NECTIN3: variants seen among roughly 807,000 people sequenced by gnomAD.
NECTIN3 encodes nectin-3.
NECTIN3 carries 8 observed loss-of-function variants against 49.4 expected under a neutral mutation model. That is an observed-to-expected ratio of 0.16 (90% CI 0.10 to 0.29). NECTIN3 has a LOEUF of 0.29. Among genes scored for constraint, NECTIN3 ranks in the 10% least tolerant of loss-of-function variants. NECTIN3 has a pLI of 1.00. For synonymous variants in NECTIN3, 277 were observed against 241.1 expected (o/e 1.15, Z -1.38); for missense variants, 581 against 654.6 (o/e 0.89, Z 1.23).
chr3:111,152,159 A>C (rs1357193249), intron 7 of NECTIN3, among the ~76,000 whole-genome samples: 2 of 151,880 alleles, frequency 1.3e-5, no homozygotes, highest in Non-Finnish European at 2.9e-5. Context: ...TGTAATGTCA[A>C]AAGATTTTAA....
intron 1 of NECTIN3, chr3:111,193,278 C>G: frequency 6.5e-7 from 1 of 1,535,522 alleles, no homozygotes; most frequent in East Asian, 2.4e-5. Flanking sequence ...GATGTACCCC[C>G]TTTACAATCA....
chr3:111,138,259 T>C (rs1225476416), downstream of NECTIN3, among the ~76,000 whole-genome samples: 6 of 151,784 alleles, frequency 4.0e-5, no homozygotes, highest in East Asian at 5.8e-4. Flanking sequence ...TTTTAAACTA[T>C]TTTTGACCAG....
chr3:111,163,639 T>C (rs1045178993), intron 7 of NECTIN3, among the ~76,000 whole-genome samples: 2 of 152,214 alleles, frequency 1.3e-5, no homozygotes, highest in African/African-American at 4.8e-5. Context: ...TTGTTATATG[T>C]CATTGGATGG....
intron 1 of NECTIN3, among the ~76,000 whole-genome samples, chr3:111,089,901 C>T (rs1224801043): frequency 2.0e-5 from 3 of 151,820 alleles, no homozygotes; most frequent in African/African-American, 7.3e-5. Flanking sequence ...TCTTTTGATT[C>T]TGTGAATTTT....
intron 2 of NECTIN3, among the ~76,000 whole-genome samples, chr3:111,115,801 A>G (rs2033667888): frequency 6.6e-6 from 1 of 152,262 alleles, no homozygotes; most frequent in Admixed American, 6.5e-5. Flanking sequence ...GAATGAAGAC[A>G]AGAACTATTA....
chr3:111,117,605 A>C (rs1169400214), intron 2 of NECTIN3, among the ~76,000 whole-genome samples: 2 of 152,120 alleles, frequency 1.3e-5, no homozygotes, highest in Non-Finnish European at 2.9e-5. Flanking sequence ...GTGAAATAAA[A>C]ATAGGTTTCA....
At chr3:111,091,898 A>T (rs2107394267) in intron 1 of NECTIN3, among the ~76,000 whole-genome samples, 3 of 152,304 alleles carry the variant, frequency 2.0e-5, no homozygotes, top group Admixed American at 2.0e-4. Context: ...AAGGGGCTAT[A>T]CCATTTTATG....
chr3:111,115,837 T>C (rs1576121386), intron 2 of NECTIN3, among the ~76,000 whole-genome samples: 1 of 152,256 alleles, frequency 6.6e-6, no homozygotes, highest in African/African-American at 2.4e-5. Context: ...CAGAATTTTG[T>C]AACTGATTGG....
intron 1 of NECTIN3, among the ~76,000 whole-genome samples, chr3:111,073,980 G>T (rs1411454346): frequency 6.6e-6 from 1 of 152,198 alleles, no homozygotes; most frequent in Non-Finnish European, 1.5e-5. Context: ...AAAAACTTAA[G>T]CAGTGTAGGC....
intron 1 of NECTIN3, among the ~76,000 whole-genome samples, chr3:111,102,241 A>G (rs2032945815): frequency 6.6e-6 from 1 of 152,218 alleles, no homozygotes. Flanking sequence ...GAAACATTTT[A>G]TAAACGTTAA....
chr3:111,142,189 C>T (rs1160273595), downstream of NECTIN3, among the ~76,000 whole-genome samples: 1 of 151,906 alleles, frequency 6.6e-6, no homozygotes, highest in Non-Finnish European at 1.5e-5. Context: ...ACCTTAAGTA[C>T]TTACCTTTTT....
chr3:111,087,009 T>C (rs1251499310), intron 1 of NECTIN3, among the ~76,000 whole-genome samples: 2 of 152,154 alleles, frequency 1.3e-5, no homozygotes, highest in Non-Finnish European at 2.9e-5. Flanking sequence ...TTTGATGTTA[T>C]TATAAATAAT....
chr3:111,098,928 TAA>T (rs371816550), intron 1 of NECTIN3, among the ~76,000 whole-genome samples: 38 of 139,690 alleles, frequency 2.7e-4, no homozygotes, highest in East Asian at 4.1e-4. Context: ...AACGTTAGTT[TAA>T]AAAAAAAAAA....
intron 5 of NECTIN3, among the ~76,000 whole-genome samples, chr3:111,144,105 A>C (rs2034816054): frequency 6.6e-6 from 1 of 152,078 alleles, no homozygotes. Flanking sequence ...TAGTTTTAGT[A>C]CATTCCCTTA....
At chr3:111,189,973 G>A (rs1227345617), upstream of NECTIN3, among the ~76,000 whole-genome samples, 3 of 152,210 alleles carry the variant, frequency 2.0e-5, no homozygotes, top group African/African-American at 7.2e-5. Flanking sequence ...ACCTGGGGCA[G>A]CAAGATGGGG....
chr3:111,125,011 T>C lies in NECTIN3; in HGVS notation c.918-1173T>C, dbSNP rs113039120. 3.1e-3 allele frequency among the ~76,000 whole-genome samples: 456 copies of C among 148,720 alleles called. 3 individuals are homozygous for C. The highest frequency in any genetic ancestry group is 0.011 in the African/African-American group (430 of 39,620). ...CCTAGGTTTACTTGACTTTTTAATC[T>C]TCTTTTCTTTCTTTTTTTTTTTTTT... is the stretch of plus-strand genomic sequence containing the variant. On this transcript the variant is annotated intron_variant, in intron 4 of 5. Coordinates refer to ENST00000485303, the MANE Select transcript of NECTIN3 (RefSeq NM_015480.3).
At chr3:111,177,315 G>A (rs1375282104) in intron 7 of NECTIN3, among the ~76,000 whole-genome samples, 1 of 151,952 alleles carries the variant, frequency 6.6e-6, no homozygotes, top group Non-Finnish European at 1.5e-5. Flanking sequence ...TATACATGTA[G>A]ATAAGGAAGA....
intron 4 of NECTIN3, among the ~76,000 whole-genome samples, chr3:111,124,557 T>C (rs1450767442): frequency 1.3e-5 from 2 of 152,206 alleles, no homozygotes; most frequent in Non-Finnish European, 2.9e-5. Flanking sequence ...TTGCAAAAAT[T>C]TTCTTTCCAA....
At chr3:111,137,799 GTTT>G, downstream of NECTIN3, among the ~76,000 whole-genome samples, 1 of 144,394 alleles carries the variant, frequency 6.9e-6, no homozygotes, top group South Asian at 2.2e-4. Flanking sequence ...TGGTGGTTGG[GTTT>G]TTTTCTTCCA....
Sources: allele counts gnomAD v4.1 joint callset (sites outside exome capture counted in the v4.1 genomes callset), GRCh38; gene constraint gnomAD v4.1.1; transcripts MANE v1.5; gene names NCBI Gene and HGNC (gene_info 2026-07-23, HGNC 2026-07-21).